SLC26A7: variants seen among roughly 807,000 people sequenced by gnomAD.
SLC26A7 encodes the protein anion exchange transporter.
SLC26A7 carries 59 observed loss-of-function variants against 82.5 expected under a neutral mutation model. The observed-to-expected ratio is 0.72, with a 90% CI of 0.58 to 0.89. The LOEUF (loss-of-function observed/expected upper bound fraction) is 0.89, where lower values mean the gene tolerates loss of function less well. Among genes scored for constraint, SLC26A7 ranks in the 40% least tolerant of loss-of-function variants. SLC26A7 has a pLI of 0.00. For missense variants in SLC26A7, 820 were observed against 793.0 expected (o/e 1.03, Z -0.41); for synonymous variants, 271 against 274.3 (o/e 0.99, Z 0.12).
At chr8:91,249,874 T>G (rs1425148784) in intron 2 of SLC26A7, 30 bp downstream of exon 2, 1 of 1,499,310 alleles carries the variant, frequency 6.7e-7, no homozygotes. Flanking sequence ...TTTCCTGTAT[T>G]ATGCAGAGTA....
In SLC26A7 at chr8:91,334,360, G is replaced by A; in HGVS notation, c.708G>A (p.Leu236=). 6.2e-7 allele frequency: 1 copy of A among 1,613,488 alleles called. No individual in the cohort carries two copies. Among genetic ancestry groups the A allele is most frequent in the Non-Finnish European group, 8.5e-7 (1 of 1,179,606 alleles). Residue 236 remains leucine (L), a synonymous_variant, in exon 6 of 19, where the codon CTG becomes CTA. Transcript: ENST00000276609. ...TGGAAGCATTGCTTTTATCCTTGCT[G>A]AGCATTGTGGTCCTTGTTCTTGTTA... The part of the protein sequence containing the change: ...VRLEALLLSL[L]SIVVLVLVKE...
At chr8:91,266,903 G>T (rs952691863) in intron 2 of SLC26A7, among the ~76,000 whole-genome samples, 2 of 151,804 alleles carry the variant, frequency 1.3e-5, no homozygotes, top group Non-Finnish European at 2.9e-5. Context: ...TTGTGTTGAG[G>T]TATATTCCTT....
At chr8:91,310,613 C>T (rs556532602) in intron 4 of SLC26A7, among the ~76,000 whole-genome samples, 19 of 152,200 alleles carry the variant, frequency 1.2e-4, no homozygotes, top group Non-Finnish European at 2.6e-4. Context: ...GGCTCAAGAA[C>T]GCGTATTAAG....
Position 91,222,614 on chromosome 8 carries a change from CAT to C in SLC26A7, c.-34+3610_-34+3611del, listed in dbSNP as rs1810176509. On this transcript the variant is annotated intron_variant, in intron 2 of 5. Transcript: ENST00000522862. Reference sequence around the variant, plus strand: ...CCTTTTCTGCATATATTGAGATAATCATGTGTTTTTTGTCATTGGTTCTGTTT... The same window carrying C: ...CCTTTTCTGCATATATTGAGATAATCGTGTTTTTTGTCATTGGTTCTGTTT... 1.3e-5 allele frequency among the ~76,000 whole-genome samples: 2 copies of C among 152,106 alleles called. 1 individual carries two copies. The highest frequency in any genetic ancestry group is 1.3e-4 in the Admixed American group (2 of 15,260).
intron 9 of SLC26A7, among the ~76,000 whole-genome samples, chr8:91,346,135 C>T (rs1403207621): frequency 2.6e-5 from 4 of 152,052 alleles, no homozygotes; most frequent in South Asian, 2.1e-4. Context: ...AATGCTATTC[C>T]AGGAAAACAA....
intron 16 of SLC26A7, 80 bp from the exon 17 acceptor site, chr8:91,393,717 G>T: frequency 6.8e-7 from 1 of 1,467,474 alleles, no homozygotes; most frequent in South Asian, 1.2e-5. Context: ...AAGAAAGTTT[G>T]ATTTCTTCTG....
At chr8:91,366,916 T>C (rs1454279120) in intron 14 of SLC26A7, among the ~76,000 whole-genome samples, 199 bp downstream of exon 14, 1 of 152,224 alleles carries the variant, frequency 6.6e-6, no homozygotes, top group Non-Finnish European at 1.5e-5. Flanking sequence ...ATTCAGTATA[T>C]ATTTAATGGA....
At chr8:91,392,291 A>G (rs1215876931) in intron 16 of SLC26A7, among the ~76,000 whole-genome samples, 5 of 152,154 alleles carry the variant, frequency 3.3e-5, no homozygotes, top group Non-Finnish European at 5.9e-5. Flanking sequence ...TAGACTTTAA[A>G]GATAGACTAA....
chr8:91,355,692 T>G (rs1813844310), intron 11 of SLC26A7, among the ~76,000 whole-genome samples: 1 of 152,112 alleles, frequency 6.6e-6, no homozygotes. Flanking sequence ...TATTGCCTAT[T>G]ACATATCCAA....
In SLC26A7 at chr8:91,318,249, A is replaced by G; in HGVS notation, c.511A>G (p.Thr171Ala). 6.2e-7 allele frequency: 1 copy of G among 1,604,316 alleles called. No homozygotes were observed. The highest frequency in any genetic ancestry group is 1.3e-5 in the African/African-American group (1 of 74,624). The change falls in exon 5 of 19, where the codon ACA (threonine) becomes GCA (alanine). Residue 171 changes from threonine to alanine, a missense_variant. Coordinates refer to ENST00000276609, the MANE Select transcript of SLC26A7 (RefSeq NM_052832.4). ...GTTTGTGCTGCAACTGGGCAGTGCC[A>G]CATTTGTGGTCACAGAGCCTGTGAT... ...AMFVLQLGSA[T>A]FVVTEPVISA...
chr8:91,319,504 C>T (rs531957108), intron 5 of SLC26A7, among the ~76,000 whole-genome samples: 36 of 152,276 alleles, frequency 2.4e-4, no homozygotes, highest in African/African-American at 7.9e-4. Context: ...GATCTGAATT[C>T]GTATTTCTTA....
chr8:91,388,798 T>G (rs1482979039), intron 15 of SLC26A7, among the ~76,000 whole-genome samples: 4 of 152,058 alleles, frequency 2.6e-5, no homozygotes, highest in Non-Finnish European at 5.9e-5. Flanking sequence ...GAATGAAGCT[T>G]AATTTTCAGG....
Position 91,313,411 on chromosome 8 carries a change from A to G in SLC26A7, c.478-4805A>G, listed in dbSNP as rs111685410. ...TTAATAAGTTTTGAAATCAGGAAGT[A>G]TGAATCCTTCAGCTTTGTTCTTCTC... is the stretch of plus-strand genomic sequence containing the variant. On this transcript the variant is annotated intron_variant, in intron 4 of 18. Transcript: ENST00000276609. Among the ~76,000 whole-genome samples, 202 of 152,314 alleles carry G rather than the reference A, an allele frequency of 1.3e-3. 2 individuals carry two copies. Among genetic ancestry groups the G allele is most frequent in the African/African-American group, 4.8e-3 (198 of 41,574 alleles).
intron 15 of SLC26A7, among the ~76,000 whole-genome samples, chr8:91,387,967 C>A (rs1814843003): frequency 1.3e-5 from 2 of 152,166 alleles, no homozygotes; most frequent in Non-Finnish European, 2.9e-5. Context: ...AATATAAATA[C>A]AGATCTAAAG....
intron 2 of SLC26A7, among the ~76,000 whole-genome samples, chr8:91,236,661 G>T (rs1015018341): frequency 6.6e-6 from 1 of 151,776 alleles, no homozygotes; most frequent in Non-Finnish European, 1.5e-5. Flanking sequence ...AAGAGTTAGT[G>T]CAAGAAGAGC....
At chr8:91,325,532 G>C (rs901644103) in intron 5 of SLC26A7, among the ~76,000 whole-genome samples, 1 of 152,096 alleles carries the variant, frequency 6.6e-6, no homozygotes, top group Non-Finnish European at 1.5e-5. Flanking sequence ...GAATCAAGTT[G>C]AAAGGCGTAT....
Position 91,395,270 on chromosome 8 carries a change from T to C in SLC26A7, c.*173T>C. ...TTGGAAAGAACTGCCAACTTTTTTTTCTCATTTTTGTTAGTAAGAAGATTC... is the reference window on the plus strand; with the variant it reads ...TTGGAAAGAACTGCCAACTTTTTTTCCTCATTTTTGTTAGTAAGAAGATTC... On this transcript the variant is annotated 3_prime_UTR_variant, in exon 19 of 19. Transcript: ENST00000276609. 1.4e-6 allele frequency: 2 copies of C among 1,399,896 alleles called. No individual in the cohort carries two copies. The highest frequency in any genetic ancestry group is 1.9e-6 in the Non-Finnish European group (2 of 1,077,242). The allele number at this position is 1,399,896 out of a possible 1,614,324, so 86.7% of individuals were successfully genotyped here. A position where few individuals can be genotyped will look rare whatever the true frequency, so the allele number is the denominator to read the frequency against.
intron 2 of SLC26A7, among the ~76,000 whole-genome samples, chr8:91,235,098 T>A (rs940411928): frequency 4.6e-5 from 7 of 151,916 alleles, no homozygotes; most frequent in African/African-American, 7.3e-5. Context: ...TTTTTAAAAA[T>A]TTTTTTGTGG....
intron 2 of SLC26A7, among the ~76,000 whole-genome samples, chr8:91,253,070 A>G (rs1332863706): frequency 2.0e-5 from 3 of 152,112 alleles, no homozygotes; most frequent in Non-Finnish European, 2.9e-5. Flanking sequence ...TCGAACCAGA[A>G]CTATAATAAT....
Sources: allele counts gnomAD v4.1 joint callset (sites outside exome capture counted in the v4.1 genomes callset), GRCh38; gene constraint gnomAD v4.1.1; transcripts MANE v1.5; gene names NCBI Gene and HGNC (gene_info 2026-07-23, HGNC 2026-07-21).